LECT2: variants seen among roughly 807,000 people sequenced by gnomAD.
LECT2 encodes the protein leukocyte cell-derived chemotaxin-2.
A neutral mutation model predicts 16.6 loss-of-function variants in LECT2; 11 were observed. The observed-to-expected ratio is 0.66, with a 90% confidence interval of 0.42 to 1.09. The LOEUF (loss-of-function observed/expected upper bound fraction) is 1.09. Ranked by LOEUF, LECT2 falls within the 50% of genes least tolerant of loss-of-function variation. LECT2 has a pLI of 0.00. For missense variants in LECT2, 173 were observed against 184.2 expected (o/e 0.94, Z 0.35); for synonymous variants, 54 against 64.8 (o/e 0.83, Z 0.80).
At chr5:135,953,924 AG>A (rs1763827696) in intron 1 of LECT2, among the ~76,000 whole-genome samples, 1 of 143,298 alleles carries the variant, frequency 7.0e-6, no homozygotes, top group South Asian at 2.1e-4. Context: ...AACGTGGAGG[AG>A]GGGCTGCTTT....
chr5:135,948,688 T>C (rs529215444), intron 3 of LECT2, among the ~76,000 whole-genome samples: 1 of 150,208 alleles, frequency 6.7e-6, no homozygotes, highest in African/African-American at 2.4e-5. Context: ...TATTATTATT[T>C]TTTTGAGACG....
In LECT2 at chr5:135,947,358, G is replaced by A; in HGVS notation, c.429C>T (p.Asp143=). ...IQSHVHIENC[D]SSDPTAYL The stretch of plus-strand genomic sequence containing the variant: ...ACAGGTATGCAGTAGGGTCACTCGA[G>A]TCACAGTTTTCAATGTGCACATGCG... Residue 143 remains aspartate (D), a synonymous_variant, in exon 4 of 4, where the codon GAC becomes GAT. Coordinates refer to ENST00000274507, the MANE Select transcript of LECT2 (RefSeq NM_002302.3). The A allele has an allele frequency of 6.2e-7, 1 of 1,613,942 alleles. No individual in the cohort carries two copies. Among genetic ancestry groups the A allele is most frequent in the Non-Finnish European group, 8.5e-7 (1 of 1,179,868 alleles).
In LECT2 at chr5:135,949,222, C is replaced by G. The variant is rs570750877; in HGVS notation, c.290-1725G>C. Among the ~76,000 whole-genome samples, 4 of 152,306 alleles carry G rather than the reference C, an allele frequency of 2.6e-5. No individual in the cohort carries two copies. In the South Asian group the frequency reaches 8.3e-4, roughly 32 times the overall value. On this transcript the variant is annotated intron_variant, in intron 3 of 3. Coordinates refer to ENST00000274507, the MANE Select transcript of LECT2 (RefSeq NM_002302.3). ...TAAAAATATTAGTTCTCAATTTGAT[C>G]TGTATATTTACTGCAGATTCAGTCA...
intron 3 of LECT2, chr5:135,950,868 G>T (rs914182576): frequency 8.9e-6 from 3 of 336,364 alleles, no homozygotes; most frequent in Non-Finnish European, 1.6e-5. Context: ...GCATGAAGCA[G>T]AAGTTTTCAG....
At chr5:135,948,648 A>C (rs1763736901) in intron 3 of LECT2, among the ~76,000 whole-genome samples, 1 of 147,150 alleles carries the variant, frequency 6.8e-6, no homozygotes, top group East Asian at 2.0e-4. Context: ...TGGCTACTAG[A>C]AAATTTAAAA....
chr5:135,954,215 A>G (rs555181219), intron 1 of LECT2, among the ~76,000 whole-genome samples: 2 of 152,344 alleles, frequency 1.3e-5, no homozygotes, highest in East Asian at 3.9e-4. Context: ...CCTCTTCTTT[A>G]AAATACTTTT....
At chr5:135,948,436 C>T (rs1012163547) in intron 3 of LECT2, among the ~76,000 whole-genome samples, 1 of 152,010 alleles carries the variant, frequency 6.6e-6, no homozygotes, top group African/African-American at 2.4e-5. Context: ...TAGCCACTAG[C>T]CACATGTGGT....
intron 3 of LECT2, among the ~76,000 whole-genome samples, chr5:135,948,678 T>A (rs141507836): frequency 0.018 from 1,398 of 78,430 alleles, 52 homozygotes; most frequent in Admixed American, 0.11. Flanking sequence ...TAATAATTAT[T>A]ATTATTATTT....
intron 3 of LECT2, among the ~76,000 whole-genome samples, chr5:135,948,279 C>T (rs1763731008): frequency 6.6e-6 from 1 of 152,128 alleles, no homozygotes; most frequent in Non-Finnish European, 1.5e-5. Context: ...TAGCACAAGT[C>T]ATCTATATAA....
intron 3 of LECT2, among the ~76,000 whole-genome samples, chr5:135,950,316 C>A (rs1261236007): frequency 6.6e-6 from 1 of 152,068 alleles, no homozygotes; most frequent in Non-Finnish European, 1.5e-5. Context: ...TGCATAATCA[C>A]GATGTGGAAT....
intron 3 of LECT2, among the ~76,000 whole-genome samples, chr5:135,949,479 TCTGA>T (rs1763761185): frequency 6.6e-6 from 1 of 152,218 alleles, no homozygotes. Context: ...AAGCCCCTAG[TCTGA>T]CTGGTGAACC....
chr5:135,954,861 T>A lies in LECT2; in HGVS notation c.-28A>T. The A allele has an allele frequency of 6.3e-7, 1 of 1,576,930 alleles. No homozygotes were observed. Among genetic ancestry groups the A allele is most frequent in the Non-Finnish European group, 8.7e-7 (1 of 1,146,160 alleles). On this transcript the variant is annotated 5_prime_UTR_variant, in exon 1 of 4. Transcript: ENST00000274507. ...GGTTTTACTTCCTTTAGTTTCTTCC[T>A]CTGATTAGAGTTGCCCCCACACTCT...
intron 3 of LECT2, among the ~76,000 whole-genome samples, chr5:135,949,586 C>T (rs946625498): frequency 2.6e-5 from 4 of 152,242 alleles, no homozygotes; most frequent in African/African-American, 9.6e-5. Flanking sequence ...CCCTAATGTG[C>T]TGTCATCCTG....
chr5:135,949,627 C>G (rs1166687390), intron 3 of LECT2, among the ~76,000 whole-genome samples: 1 of 152,192 alleles, frequency 6.6e-6, no homozygotes, highest in Non-Finnish European at 1.5e-5. Flanking sequence ...TTGGGGACAG[C>G]TAGAAGTAAG....
chr5:135,947,528 G>A, intron 3 of LECT2, 31 bp from the exon 4 acceptor site: 2 of 1,503,030 alleles, frequency 1.3e-6, no homozygotes, highest in Non-Finnish European at 8.9e-7. Context: ...TTATTTATCT[G>A]GGCTTCAGTA....
chr5:135,953,206 ATTTT>A, intron 1 of LECT2: 2 of 319,150 alleles, frequency 6.3e-6, no homozygotes, highest in East Asian at 6.4e-5. Flanking sequence ...AGTGAATACA[ATTTT>A]TTTTTTTTTT....
In LECT2 at chr5:135,952,968, C is replaced by A. The variant is rs1169342875; in HGVS notation, c.47-1G>T. 6.2e-7 allele frequency: 1 copy of A among 1,610,866 alleles called. No homozygotes were observed. The highest frequency in any genetic ancestry group is 8.5e-7 in the Non-Finnish European group (1 of 1,177,152). The stretch of plus-strand genomic sequence containing the variant: ...ATATTAGCCCATGGCCCTGCCAGTG[C>A]TAAAAAGGAGAAAAGTGAGAGCAGA... On this transcript the variant is annotated splice_acceptor_variant, in intron 1 of 3. Coordinates refer to ENST00000274507, the MANE Select transcript of LECT2 (RefSeq NM_002302.3). LOFTEE classifies it high-confidence loss of function.
In LECT2 at chr5:135,953,167, A is replaced by G. The variant is rs181885991; in HGVS notation, c.47-200T>C. ...TAAAATTGGCTTTTTCCCTGGCCAC[A>G]GAATTCTGCTTTGTGACGTTAGAGT... On this transcript the variant is annotated intron_variant, in intron 1 of 3. Coordinates refer to ENST00000274507, the MANE Select transcript of LECT2 (RefSeq NM_002302.3). The G allele has an allele frequency of 1.3e-3, 707 of 548,574 alleles. 1 individual carries two copies. Among genetic ancestry groups the G allele is most frequent in the Non-Finnish European group, 1.8e-3 (550 of 307,254 alleles). The allele number at this position is 548,574 out of a possible 1,614,324, so 34.0% of individuals were successfully genotyped here. A position where few individuals can be genotyped will look rare whatever the true frequency, so the allele number is the denominator to read the frequency against.
chr5:135,953,470 G>T (rs1763823525), intron 1 of LECT2, among the ~76,000 whole-genome samples: 1 of 152,168 alleles, frequency 6.6e-6, no homozygotes, highest in Admixed American at 6.6e-5. Context: ...AAAGTGCAGG[G>T]ATTACAGGCG....
Sources: allele counts gnomAD v4.1 joint callset (sites outside exome capture counted in the v4.1 genomes callset), GRCh38; gene constraint gnomAD v4.1.1; transcripts MANE v1.5; gene names NCBI Gene and HGNC (gene_info 2026-07-23, HGNC 2026-07-21).